DNAI7: variants seen among roughly 807,000 people sequenced by gnomAD.
The protein encoded by DNAI7 is dynein axonemal intermediate chain 7.
A neutral mutation model predicts 86.6 loss-of-function variants in DNAI7; 78 were observed. That is an observed-to-expected ratio of 0.90 (90% CI 0.75 to 1.09). The LOEUF is 1.09. Ranked by LOEUF, DNAI7 falls within the 50% of genes least tolerant of loss-of-function variation. DNAI7 has a pLI of 0.00. For missense variants in DNAI7, 753 were observed against 810.2 expected (o/e 0.93, Z 0.86); for synonymous variants, 274 against 273.0 (o/e 1.00, Z -0.04).
chr12:25,130,301 G>A (rs1942731494), intron 9 of DNAI7, among the ~76,000 whole-genome samples: 1 of 152,040 alleles, frequency 6.6e-6, no homozygotes, highest in Non-Finnish European at 1.5e-5. Context: ...ACTTTGGGAG[G>A]CCAAGGCAGG....
At position 25,144,281 on chromosome 12, in the gene DNAI7, G is replaced by C. The variant is rs1037497604; in HGVS notation, c.1002+84C>G. 21 of 1,182,858 alleles carry C rather than the reference G, an allele frequency of 1.8e-5. No homozygotes were observed. In the African/African-American group the frequency reaches 2.9e-4, roughly 16 times the overall value. The allele number at this position is 1,182,858 out of a possible 1,614,324, so 73.3% of individuals were successfully genotyped here. ...CTCCCAGACAATTTCCAGTTGTTTAGGAAAAATCTTGAGAACACTTTAAGG... is the reference window on the plus strand; with the variant it reads ...CTCCCAGACAATTTCCAGTTGTTTACGAAAAATCTTGAGAACACTTTAAGG... On this transcript the variant is annotated intron_variant, in intron 9 of 15. Coordinates refer to ENST00000395987, the MANE Select transcript of DNAI7 (RefSeq NM_018272.5).
At chr12:25,113,081 A>C (rs545394677) in intron 13 of DNAI7, among the ~76,000 whole-genome samples, 1 of 152,316 alleles carries the variant, frequency 6.6e-6, no homozygotes, top group East Asian at 1.9e-4. Flanking sequence ...GGAATGGTGC[A>C]GGGAAGCCTG....
At chr12:25,129,444 C>T (rs914583726) in intron 9 of DNAI7, among the ~76,000 whole-genome samples, 2 of 152,184 alleles carry the variant, frequency 1.3e-5, no homozygotes, top group African/African-American at 4.8e-5. Flanking sequence ...GAACAACTCC[C>T]AGGGTATGAC....
intron 2 of DNAI7, among the ~76,000 whole-genome samples, chr12:25,173,893 T>C (rs114702182): frequency 0.13 from 11,730 of 93,236 alleles, 1,461 homozygotes; most frequent in African/African-American, 0.34. Flanking sequence ...ATCATTCATA[T>C]ATATACCACA....
chr12:25,154,319 A>C lies in DNAI7; in HGVS notation c.438T>G (p.Asn146Lys). The part of the protein sequence containing the change: ...EVIEKSKVVL[N>K]LIEKLKFILL... The stretch of plus-strand genomic sequence containing the variant: ...TATAGGAAAATGCATAAATACCTAC[A>C]TTTAGCACTACTTTACTCTTCTCAA... Residue 146 changes from asparagine (N) to lysine (K), a missense_variant and splice_region_variant, in exon 6 of 16, where the codon AAT becomes AAG. Asn to Lys is a moderately conservative substitution (Grantham distance 94, BLOSUM62 0). Transcript: ENST00000395987. 6.3e-7 allele frequency: 1 copy of C among 1,594,726 alleles called. No individual in the cohort carries two copies. Among genetic ancestry groups the C allele is most frequent in the Non-Finnish European group, 8.5e-7 (1 of 1,175,860 alleles).
intron 7 of DNAI7, among the ~76,000 whole-genome samples, chr12:25,148,093 G>C (rs1366635534): frequency 6.6e-6 from 1 of 152,130 alleles, no homozygotes; most frequent in Admixed American, 6.5e-5. Flanking sequence ...ATTTTTTTAA[G>C]TGTGATTATT....
chr12:25,184,043 T>C (rs1203397389), intron 2 of DNAI7, among the ~76,000 whole-genome samples: 1 of 152,160 alleles, frequency 6.6e-6, no homozygotes, highest in East Asian at 1.9e-4. Flanking sequence ...CTTTAGAATG[T>C]CTTAACTCAA....
chr12:25,194,642 C>G (rs558032817), intron 1 of DNAI7, among the ~76,000 whole-genome samples: 43 of 152,116 alleles, frequency 2.8e-4, no homozygotes, highest in Non-Finnish European at 5.4e-4. Flanking sequence ...TTCATATTCC[C>G]ACAAAAGACG....
chr12:25,107,382 A>G (rs896256894), downstream of DNAI7, among the ~76,000 whole-genome samples: 1 of 152,156 alleles, frequency 6.6e-6, no homozygotes, highest in Non-Finnish European at 1.5e-5. Flanking sequence ...GTTTAGTACT[A>G]TTTTCAGCTT....
At chr12:25,147,476 A>AACC (rs1555170058) in intron 7 of DNAI7, among the ~76,000 whole-genome samples, 2 of 148,004 alleles carry the variant, frequency 1.4e-5, no homozygotes. Flanking sequence ...ACATAATGAG[A>AACC]CCACCCCCAT....
At position 25,163,107 on chromosome 12, in the gene DNAI7, TA is replaced by T. The variant is rs893449008; in HGVS notation, c.22-1911del. Among the ~76,000 whole-genome samples, 58 of 151,948 alleles carry T rather than the reference TA, an allele frequency of 3.8e-4. 1 individual carries two copies. The highest frequency in any genetic ancestry group is 2.0e-4 in the Admixed American group (3 of 15,252). The stretch of plus-strand genomic sequence containing the variant: ...ACACTCCTTTCAGAAACAAGACCTA[TA>T]AAACAAAAATGCAAGTTTAAAAGCA... On this transcript the variant is annotated intron_variant, in intron 2 of 15. Coordinates refer to ENST00000395987, the MANE Select transcript of DNAI7 (RefSeq NM_018272.5).
At chr12:25,165,408 C>G (rs1234691434) in intron 2 of DNAI7, among the ~76,000 whole-genome samples, 1 of 152,352 alleles carries the variant, frequency 6.6e-6, no homozygotes, top group South Asian at 2.1e-4. Flanking sequence ...CCTCCTCCCC[C>G]AGGAGCTTGC....
At chr12:25,111,683 A>G (rs1405687464) in intron 14 of DNAI7, 89 bp downstream of exon 14, 3 of 602,066 alleles carry the variant, frequency 5.0e-6, no homozygotes, top group Admixed American at 4.3e-5. Flanking sequence ...TATAAAATAC[A>G]GTGTATATAA....
chr12:25,130,825 A>G (rs1450664703), intron 9 of DNAI7, among the ~76,000 whole-genome samples: 1 of 152,130 alleles, frequency 6.6e-6, no homozygotes, highest in Non-Finnish European at 1.5e-5. Flanking sequence ...ATTACCCAAT[A>G]CCTATAATAT....
At chr12:25,191,959 T>C (rs915998584) in intron 1 of DNAI7, among the ~76,000 whole-genome samples, 15 of 152,204 alleles carry the variant, frequency 9.9e-5, no homozygotes, top group Middle Eastern at 3.2e-3. Flanking sequence ...GAGTTATACA[T>C]GGGAAATATT....
intron 2 of DNAI7, among the ~76,000 whole-genome samples, chr12:25,183,086 G>T (rs1949708872): frequency 6.6e-6 from 1 of 152,072 alleles, no homozygotes; most frequent in African/African-American, 2.4e-5. Flanking sequence ...TATGTCCTTT[G>T]CAGCAACATG....
At chr12:25,136,597 G>A (rs374754848) in intron 9 of DNAI7, among the ~76,000 whole-genome samples, 1 of 152,084 alleles carries the variant, frequency 6.6e-6, no homozygotes, top group Admixed American at 6.5e-5. Context: ...TCAGAAGGCC[G>A]ATTATTAGGC....
At chr12:25,164,021 T>C (rs1347110664) in intron 2 of DNAI7, among the ~76,000 whole-genome samples, 2 of 152,230 alleles carry the variant, frequency 1.3e-5, no homozygotes, top group Admixed American at 6.5e-5. Context: ...TTCACCCATG[T>C]TTCAGAGGTG....
intron 2 of DNAI7, among the ~76,000 whole-genome samples, chr12:25,166,754 C>G (rs1281013241): frequency 9.9e-5 from 15 of 152,128 alleles, no homozygotes; most frequent in Admixed American, 9.8e-4. Flanking sequence ...CCAACTTGAC[C>G]TTACTGTTTT....
Sources: allele counts gnomAD v4.1 joint callset (sites outside exome capture counted in the v4.1 genomes callset), GRCh38; gene constraint gnomAD v4.1.1; transcripts MANE v1.5; gene names NCBI Gene and HGNC (gene_info 2026-07-23, HGNC 2026-07-21).